Variants in NBEA observed in about 807,000 individuals in gnomAD.
NBEA encodes the protein lysosomal-trafficking regulator 2.
Under a neutral mutation model 343.4 loss-of-function variants are expected in NBEA, and 44 were observed. The observed-to-expected ratio is 0.13, with a 90% confidence interval of 0.10 to 0.16. NBEA has a LOEUF of 0.16. Ranked by LOEUF, NBEA falls within the 10% of genes least tolerant of loss-of-function variation. The probability of loss-of-function intolerance (pLI) is 1.00; values close to 1 mark genes in which losing one functional copy is unlikely to be tolerated. For missense variants in NBEA, 2,555 were observed against 3,631.3 expected, an observed-to-expected ratio of 0.70 and a Z score of 7.62; for synonymous variants, 1,175 against 1,238.7, an observed-to-expected ratio of 0.95 and a Z score of 1.08.
chr13:35,360,739 A>C (rs2040762848), intron 38 of NBEA, among the ~76,000 whole-genome samples: 3 of 152,222 alleles, frequency 2.0e-5, no homozygotes, highest in Admixed American at 1.3e-4. Flanking sequence ...AGTAGAATGA[A>C]GATGACAGAG....
At chr13:35,629,886 A>G (rs1408429252) in intron 49 of NBEA, among the ~76,000 whole-genome samples, 2 of 152,198 alleles carry the variant, frequency 1.3e-5, no homozygotes, top group Admixed American at 1.3e-4. Flanking sequence ...GTTCATCCTT[A>G]TATTCTAAGA....
Position 35,309,599 on chromosome 13 carries a change from A to G in NBEA, c.5903+7A>G, listed in dbSNP as rs1164923249. On this transcript the variant is annotated splice_region_variant and intron_variant, in intron 36 of 58. Coordinates refer to ENST00000379939, the MANE Select transcript of NBEA (RefSeq NM_001385012.1). ...AGCTCATCAATGAAGGAAGGTAATT[A>G]ATTTTACAATTTTAGACAACTAGTC... 4 of 1,531,442 alleles carry G rather than the reference A, an allele frequency of 2.6e-6. No individual in the cohort carries two copies. In the African/African-American group the frequency reaches 5.5e-5, roughly 21 times the overall value. 94.9% of individuals were successfully genotyped at this position (1,531,442 alleles called of 1,614,324 possible).
At chr13:35,277,605 GAA>G (rs1243470624) in intron 34 of NBEA, among the ~76,000 whole-genome samples, 6 of 29,708 alleles carry the variant, frequency 2.0e-4, no homozygotes, top group Admixed American at 4.6e-4. Context: ...TGGGCAACAA[GAA>G]AGAAACTCCG....
Position 35,671,094 on chromosome 13 carries a change from T to G in NBEA, c.*103T>G. ...AAAACTCGTCTACATCGACCTCCGT[T>G]TGTACATTCCATCACACCCAGCAAT... On this transcript the variant is annotated 3_prime_UTR_variant, in exon 59 of 59. Coordinates refer to ENST00000379939, the MANE Select transcript of NBEA (RefSeq NM_001385012.1). The G allele has an allele frequency of 1.4e-6, 1 of 740,218 alleles. No homozygotes were observed. Among genetic ancestry groups the G allele is most frequent in the Non-Finnish European group, 2.3e-6 (1 of 435,926 alleles). 45.9% of individuals were successfully genotyped at this position (740,218 alleles called of 1,614,324 possible). A position where few individuals can be genotyped will look rare whatever the true frequency, so the allele number is the denominator to read the frequency against.
At chr13:35,026,778 ATATAT>A (rs1399265072) in intron 1 of NBEA, among the ~76,000 whole-genome samples, 3 of 152,242 alleles carry the variant, frequency 2.0e-5, no homozygotes, top group South Asian at 2.1e-4. Context: ...AACATTAATA[ATATAT>A]TATATTAAAC....
chr13:35,061,189 G>A (rs1447733092), intron 8 of NBEA, among the ~76,000 whole-genome samples: 2 of 151,500 alleles, frequency 1.3e-5, no homozygotes, highest in Admixed American at 1.3e-4. Flanking sequence ...GGTAATTTTT[G>A]TTCTGTCGAA....
At chr13:35,429,468 G>A (rs559577562) in intron 38 of NBEA, among the ~76,000 whole-genome samples, 5 of 151,980 alleles carry the variant, frequency 3.3e-5, no homozygotes, top group Non-Finnish European at 7.4e-5. Context: ...CTTTTTGTTT[G>A]TTTGTTTGTA....
chr13:35,187,424 T>C (rs1008490169), intron 30 of NBEA, among the ~76,000 whole-genome samples: 1 of 151,214 alleles, frequency 6.6e-6, no homozygotes, highest in African/African-American at 2.4e-5. Context: ...AACACTAATA[T>C]ATAATACAAC....
chr13:35,581,711 C>T (rs1451672771), intron 45 of NBEA, among the ~76,000 whole-genome samples: 1 of 117,660 alleles, frequency 8.5e-6, no homozygotes, highest in Non-Finnish European at 1.6e-5. Context: ...GGAAGGGGAA[C>T]ATCACACTCT....
In NBEA at chr13:35,367,946, G is replaced by C. The variant is rs143366502; in HGVS notation, c.6179+15623G>C. ...ACAAAATACCTTGTTAACTGATTTA[G>C]GATCAGTAATTAAGTCCGCAATAAC... On this transcript the variant is annotated intron_variant, in intron 38 of 58. Transcript: ENST00000379939. Among the ~76,000 whole-genome samples, 14 of 151,534 alleles carry C rather than the reference G, an allele frequency of 9.2e-5. 1 individual carries two copies. Among genetic ancestry groups the C allele is most frequent in the African/African-American group, 2.9e-4 (12 of 41,496 alleles).
chr13:35,461,963 G>A (rs1336148017), intron 40 of NBEA, among the ~76,000 whole-genome samples: 4 of 152,176 alleles, frequency 2.6e-5, no homozygotes, highest in African/African-American at 4.8e-5. Flanking sequence ...TGTTCTATCA[G>A]TTCAAGTCAT....
intron 41 of NBEA, chr13:35,477,332 C>T (rs2075918429): frequency 6.4e-6 from 1 of 156,068 alleles, no homozygotes; most frequent in Non-Finnish European, 1.5e-5. Flanking sequence ...AAAATTATTG[C>T]TGAGTGTGTG....
chr13:35,424,328 A>G (rs556083788), intron 38 of NBEA, among the ~76,000 whole-genome samples: 1 of 152,332 alleles, frequency 6.6e-6, no homozygotes, highest in African/African-American at 2.4e-5. Flanking sequence ...CGTCCCATCA[A>G]TACCTAATTT....
chr13:35,270,104 CAAAT>C, intron 34 of NBEA, among the ~76,000 whole-genome samples: 1 of 152,092 alleles, frequency 6.6e-6, no homozygotes, highest in South Asian at 2.1e-4. Context: ...TTTTTTCTTA[CAAAT>C]AAATAGAAAT....
chr13:35,250,839 T>C (rs143685129), intron 34 of NBEA, among the ~76,000 whole-genome samples: 2 of 152,358 alleles, frequency 1.3e-5, no homozygotes, highest in Admixed American at 1.3e-4. Flanking sequence ...AAAAATGATA[T>C]TTACCATAAA....
intron 36 of NBEA, among the ~76,000 whole-genome samples, chr13:35,321,191 A>C (rs1310942356): frequency 2.6e-5 from 4 of 152,012 alleles, no homozygotes; most frequent in Admixed American, 2.6e-4. Flanking sequence ...TGGAATTTTC[A>C]GCCTTTTTCA....
At chr13:34,964,768 G>A (rs757041053) in intron 1 of NBEA, among the ~76,000 whole-genome samples, 11 of 151,942 alleles carry the variant, frequency 7.2e-5, no homozygotes, top group African/African-American at 1.7e-4. Context: ...GGGGGAGAAC[G>A]TTATCTATGT....
intron 41 of NBEA, among the ~76,000 whole-genome samples, chr13:35,484,223 C>A (rs1427638830): frequency 1.4e-5 from 2 of 139,038 alleles, no homozygotes; most frequent in Admixed American, 7.5e-5. Context: ...TAAATATTTA[C>A]CTACATTAAT....
At chr13:35,621,440 T>TC (rs909560256) in intron 48 of NBEA, among the ~76,000 whole-genome samples, 4 of 152,028 alleles carry the variant, frequency 2.6e-5, no homozygotes, top group African/African-American at 9.7e-5. Context: ...CTAGCAATCC[T>TC]CCCCCACTAC....
Sources: gnomAD v4.1 joint callset for allele counts (sites outside exome capture counted in the v4.1 genomes callset) on GRCh38, gnomAD v4.1.1 for gene constraint, MANE v1.5 for transcripts, NCBI Gene and HGNC (gene_info 2026-07-23, HGNC 2026-07-21) for gene names.